The following STXBP3 variants were observed in gnomAD, a reference collection of about 807,000 sequenced individuals.
The protein encoded by STXBP3 is syntaxin binding protein 3, also known as syntaxin-binding protein 3.
STXBP3 carries 41 observed loss-of-function variants against 85.7 expected under a neutral mutation model. That is an observed-to-expected ratio of 0.48 (90% CI 0.37 to 0.62). STXBP3 has a LOEUF of 0.62. Ranked by LOEUF, STXBP3 falls within the 20% of genes least tolerant of loss-of-function variation. The probability of loss-of-function intolerance (pLI) is 0.00; values close to 1 mark genes in which losing one functional copy is unlikely to be tolerated. For missense variants in STXBP3, 563 were observed against 703.1 expected, an observed-to-expected ratio of 0.80 and a Z score of 2.25; for synonymous variants, 229 against 231.7, an observed-to-expected ratio of 0.99 and a Z score of 0.10.
intron 9 of STXBP3, chr1:108,779,637 C>T: frequency 2.9e-6 from 1 of 349,230 alleles, no homozygotes; most frequent in Non-Finnish European, 4.9e-6. Flanking sequence ...GTGTTTGCTT[C>T]CTTAACTGTG....
At chr1:108,808,240 A>G (rs1456304728) in intron 18 of STXBP3, among the ~76,000 whole-genome samples, 1 of 152,238 alleles carries the variant, frequency 6.6e-6, no homozygotes, top group Non-Finnish European at 1.5e-5. Context: ...AGGCCAGGCT[A>G]GTGGCTCAGG....
intron 1 of STXBP3, among the ~76,000 whole-genome samples, chr1:108,747,440 CG>C (rs1661815312): frequency 6.6e-6 from 1 of 152,154 alleles, no homozygotes; most frequent in South Asian, 2.1e-4. Context: ...TCCCTACTCT[CG>C]GGGGCCCCTC....
chr1:108,797,153 G>A (rs982707221), intron 15 of STXBP3, among the ~76,000 whole-genome samples: 3 of 151,820 alleles, frequency 2.0e-5, no homozygotes, highest in Non-Finnish European at 4.4e-5. Flanking sequence ...CCAGGAGTTC[G>A]AGACCAGCCT....
chr1:108,758,845 A>G (rs531405601), intron 5 of STXBP3, among the ~76,000 whole-genome samples: 53 of 152,366 alleles, frequency 3.5e-4, no homozygotes, highest in African/African-American at 1.1e-3. Context: ...TTCAAAAGAC[A>G]GTCATTTTGC....
At position 108,779,482 on chromosome 1, in the gene STXBP3, A is replaced by G. The variant is rs964002438; in HGVS notation, c.809+72A>G. 23 of 1,434,948 alleles carry G rather than the reference A, an allele frequency of 1.6e-5. No homozygotes were observed. The African/African-American group carries it at 2.9e-4, about 18-fold the overall frequency. The allele number at this position is 1,434,948 out of a possible 1,614,324, so 88.9% of individuals were successfully genotyped here. Reference sequence around the variant, plus strand: ...AGAATATGAGCATTTAATGATTTATATAGGCACCAGAAATCTGAAAGCCCC... The same window carrying G: ...AGAATATGAGCATTTAATGATTTATGTAGGCACCAGAAATCTGAAAGCCCC... On this transcript the variant is annotated intron_variant, in intron 9 of 18. Transcript: ENST00000370008.
chr1:108,796,795 T>C (rs1201501033), intron 15 of STXBP3, 69 bp downstream of exon 15: 14 of 1,159,172 alleles, frequency 1.2e-5, no homozygotes, highest in Non-Finnish European at 1.4e-5. Flanking sequence ...ATTAACTGTT[T>C]TTTTTTTTTA....
chr1:108,786,761 C>T (rs942241246), intron 11 of STXBP3, among the ~76,000 whole-genome samples: 2 of 152,136 alleles, frequency 1.3e-5, no homozygotes, highest in African/African-American at 2.4e-5. Context: ...GCTGTTACAA[C>T]CTTTGTCTTT....
At chr1:108,764,803 A>G (rs2101109950) in intron 6 of STXBP3, among the ~76,000 whole-genome samples, 1 of 152,316 alleles carries the variant, frequency 6.6e-6, no homozygotes, top group South Asian at 2.1e-4. Flanking sequence ...CATAGTTTGC[A>G]AATACTTTCT....
intron 6 of STXBP3, among the ~76,000 whole-genome samples, chr1:108,763,835 G>A (rs1662201672): frequency 6.6e-6 from 1 of 151,984 alleles, no homozygotes; most frequent in South Asian, 2.1e-4. Flanking sequence ...GCCCACCTCA[G>A]CCTCCCAAAG....
intron 1 of STXBP3, among the ~76,000 whole-genome samples, chr1:108,750,546 C>T (rs1310897031): frequency 6.6e-6 from 1 of 152,158 alleles, no homozygotes; most frequent in Non-Finnish European, 1.5e-5. Flanking sequence ...ACATTTCTGA[C>T]ACCAAATATG....
At chr1:108,796,852 G>A in intron 15 of STXBP3, 126 bp downstream of exon 15, 3 of 572,490 alleles carry the variant, frequency 5.2e-6, no homozygotes, top group Non-Finnish European at 8.1e-6. Flanking sequence ...GAATAAGTAA[G>A]CAATTAAAGA....
chr1:108,795,612 C>A (rs1421566928), intron 13 of STXBP3, among the ~76,000 whole-genome samples: 1 of 152,038 alleles, frequency 6.6e-6, no homozygotes, highest in Non-Finnish European at 1.5e-5. Flanking sequence ...TTCAAGTCTC[C>A]TGGTGTTTTG....
At chr1:108,801,471 AAATTTTTT>A (rs1183904263) in intron 17 of STXBP3, among the ~76,000 whole-genome samples, 1 of 151,964 alleles carries the variant, frequency 6.6e-6, no homozygotes, top group Non-Finnish European at 1.5e-5. Context: ...TGAGTTTTTA[AAATTTTTT>A]AATTTTTTAT....
intron 11 of STXBP3, among the ~76,000 whole-genome samples, chr1:108,788,476 T>C (rs1424733497): frequency 6.6e-6 from 1 of 152,224 alleles, no homozygotes; most frequent in Non-Finnish European, 1.5e-5. Context: ...TGTTACTGCT[T>C]GTTCTATTGC....
intron 7 of STXBP3, among the ~76,000 whole-genome samples, chr1:108,775,839 TA>T (rs1449054513): frequency 6.6e-6 from 1 of 152,018 alleles, no homozygotes; most frequent in African/African-American, 2.4e-5. Context: ...TAGAATCCAA[TA>T]TAATCATGAT....
At chr1:108,771,239 T>C (rs1255590407) in intron 6 of STXBP3, among the ~76,000 whole-genome samples, 2 of 149,490 alleles carry the variant, frequency 1.3e-5, no homozygotes, top group Non-Finnish European at 3.0e-5. Context: ...AAATAAAGGA[T>C]GAAATCAGGA....
intron 11 of STXBP3, among the ~76,000 whole-genome samples, chr1:108,786,179 G>A (rs1035659260): frequency 2.6e-5 from 4 of 152,164 alleles, no homozygotes; most frequent in African/African-American, 9.7e-5. Context: ...GTTCCATATG[G>A]CTGCAGAGGC....
chr1:108,782,473 C>G lies in STXBP3; in HGVS notation c.861C>G (p.Asp287Glu), dbSNP rs747856738. ...EKEAILEEED[D>E]LWVRIRHRHI... is the part of the protein sequence containing the mutation. ...AGGCCATCCTTGAAGAAGAAGATGA[C>G]CTCTGGGTTAGAATTCGACATCGAC... Residue 287 changes from aspartate to glutamate, a missense_variant, in exon 10 of 19, where the codon GAC becomes GAG. Coordinates refer to ENST00000370008, the MANE Select transcript of STXBP3 (RefSeq NM_007269.4). 4 of 1,613,744 alleles carry G rather than the reference C, an allele frequency of 2.5e-6. No individual in the cohort carries two copies. In the South Asian group the frequency reaches 3.3e-5, roughly 13 times the overall value.
rs1248613716 is a variant in STXBP3 at position 108,757,659 on chromosome 1, T to G, written c.259-851T>G. ...TATCAGTGGATAATGGAGCAGAAAC[T>G]GCCATATACTGCTAGTGGGAGTATA... On this transcript the variant is annotated intron_variant, in intron 4 of 18. Coordinates refer to ENST00000370008, the MANE Select transcript of STXBP3 (RefSeq NM_007269.4). Among the ~76,000 whole-genome samples the G allele has an allele frequency of 2.6e-5, 4 of 152,010 alleles. No homozygotes were observed. The East Asian group carries it at 7.7e-4, about 29-fold the overall frequency.
Sources: gnomAD v4.1 joint callset for allele counts (sites outside exome capture counted in the v4.1 genomes callset) on GRCh38, gnomAD v4.1.1 for gene constraint, MANE v1.5 for transcripts, NCBI Gene and HGNC (gene_info 2026-07-23, HGNC 2026-07-21) for gene names.